ANGPT4: variants seen among roughly 807,000 people sequenced by gnomAD.
The protein encoded by ANGPT4 is angiopoietin 4.
In ANGPT4, 50 loss-of-function variants were observed where a neutral mutation model predicts 53.0. The ratio of observed to expected loss-of-function variants is 0.94; its 90% CI spans 0.75 to 1.20. The LOEUF (loss-of-function observed/expected upper bound fraction) is 1.20. ANGPT4 is among the 50% of genes most tolerant of loss of function. The pLI is 0.00. For missense variants in ANGPT4, 648 were observed against 637.1 expected, an observed-to-expected ratio of 1.02 and a Z score of -0.18; for synonymous variants, 251 against 259.7, an observed-to-expected ratio of 0.97 and a Z score of 0.32.
At position 908,910 on chromosome 20, in the gene ANGPT4, G is replaced by A. The variant is rs991458453; in HGVS notation, c.309+6996C>T. 1.3e-5 allele frequency among the ~76,000 whole-genome samples: 2 copies of A among 152,280 alleles called. No homozygotes were observed. Among genetic ancestry groups the A allele is most frequent in the South Asian group, 4.1e-4 (2 of 4,820 alleles). ...CTGGAGAGGAGAAACAGGGGTCTCA[G>A]CTGGGTGTCAGGAACCCTGGGTTCT... On this transcript the variant is annotated intron_variant, in intron 1 of 8. Transcript: ENST00000381922. This position sits in a 1 kb window ranked among gnomAD's most constrained non-coding sequence, Gnocchi z 4.9.
At position 890,239 on chromosome 20, in the gene ANGPT4, G is replaced by A. The variant is rs774505929; in HGVS notation, c.439C>T (p.Arg147Cys). Residue 147 changes from arginine to cysteine, a missense_variant, in exon 2 of 9, where the codon CGC becomes TGC. Transcript: ENST00000381922. ...TGAGCCTCCATGTCGGTCAGCTTGC[G>A]GATCTGGGCAGTGGTCTGGTTCAGG... Reference protein sequence around the residue: ...SLLNQTTAQIRKLTDMEAQLL... With the variant: ...SLLNQTTAQICKLTDMEAQLL... 6.8e-6 allele frequency: 11 copies of A among 1,613,830 alleles called. No individual in the cohort carries two copies. The highest frequency in any genetic ancestry group is 1.1e-5 in the South Asian group (1 of 91,072).
chr20:888,229 C>T, intron 3 of ANGPT4, 89 bp downstream of exon 3: 1 of 1,512,504 alleles, frequency 6.6e-7, no homozygotes, highest in Non-Finnish European at 8.8e-7. Flanking sequence ...AGCCCCAGTC[C>T]TAGCCCTGGC....
At chr20:888,792 G>A (rs1600052072) in intron 2 of ANGPT4, among the ~76,000 whole-genome samples, 1 of 152,190 alleles carries the variant, frequency 6.6e-6, no homozygotes, top group Non-Finnish European at 1.5e-5. Context: ...TCTGGCCCTG[G>A]ACTGCTCCCT....
intron 1 of ANGPT4, among the ~76,000 whole-genome samples, chr20:913,278 G>A (rs929768381): frequency 5.9e-5 from 9 of 152,194 alleles, no homozygotes; most frequent in Non-Finnish European, 1.3e-4. Context: ...AGAAGAACCA[G>A]AGGAAGGTCA....
chr20:883,320 A>G (rs780473810), intron 4 of ANGPT4, among the ~76,000 whole-genome samples: 5 of 152,196 alleles, frequency 3.3e-5, no homozygotes, highest in African/African-American at 4.8e-5. Flanking sequence ...CTGCTTTTAT[A>G]TCATGCACAA....
intron 4 of ANGPT4, among the ~76,000 whole-genome samples, chr20:882,899 A>G (rs1981466482): frequency 6.6e-6 from 1 of 152,260 alleles, no homozygotes; most frequent in Non-Finnish European, 1.5e-5. Flanking sequence ...GTTTGGGGCC[A>G]GGAAAAATAT....
chr20:913,942 G>A (rs1301532734), intron 1 of ANGPT4, among the ~76,000 whole-genome samples: 2 of 152,184 alleles, frequency 1.3e-5, no homozygotes, highest in Non-Finnish European at 2.9e-5. Flanking sequence ...GGCAGCTTTG[G>A]AGTTGAGACA....
rs1263810003 is a variant in ANGPT4 at position 908,379 on chromosome 20, C to T, written c.309+7527G>A. Among the ~76,000 whole-genome samples, 2 of 152,168 alleles carry T rather than the reference C, an allele frequency of 1.3e-5. No homozygotes were observed. ...CCCCAGGGCCTTTGCACTTGCTGTC[C>T]CGTGTGCCTGGAATGCTTTTGCTTC... On this transcript the variant is annotated intron_variant, in intron 1 of 8. Transcript: ENST00000381922. The surrounding 1 kb of genome is among the most constrained non-coding windows in gnomAD (Gnocchi z 4.9).
intron 4 of ANGPT4, among the ~76,000 whole-genome samples, chr20:884,824 A>G (rs1408728768): frequency 2.6e-5 from 4 of 152,060 alleles, no homozygotes; most frequent in Non-Finnish European, 5.9e-5. Flanking sequence ...TCCAAAACCC[A>G]TGGGTAAACT....
chr20:906,985 C>T (rs888494909), intron 1 of ANGPT4, among the ~76,000 whole-genome samples: 30 of 152,180 alleles, frequency 2.0e-4, no homozygotes, highest in African/African-American at 6.8e-4. Context: ...GTGGTCTGGG[C>T]CTGGAGCACT....
chr20:874,502 C>T, intron 7 of ANGPT4, 88 bp from the exon 8 acceptor site: 1 of 1,552,478 alleles, frequency 6.4e-7, no homozygotes, highest in Non-Finnish European at 8.7e-7. Context: ...GTGGCTTTGT[C>T]CCAGGCTGGG....
At chr20:893,149 T>A (rs1481981686) in intron 1 of ANGPT4, among the ~76,000 whole-genome samples, 1 of 152,178 alleles carries the variant, frequency 6.6e-6, no homozygotes, top group Non-Finnish European at 1.5e-5. Flanking sequence ...GAAAAAAAGA[T>A]CACATTTTTT....
intron 1 of ANGPT4, among the ~76,000 whole-genome samples, chr20:902,724 C>A (rs1435546053): frequency 2.0e-5 from 3 of 151,616 alleles, no homozygotes; most frequent in Non-Finnish European, 4.4e-5. Context: ...ATTTTTTTTT[C>A]TGAGAGAGGG....
At chr20:890,091 C>T (rs1401234348) in intron 2 of ANGPT4, 122 bp downstream of exon 2, 1 of 1,234,318 alleles carries the variant, frequency 8.1e-7, no homozygotes, top group Non-Finnish European at 1.1e-6. Flanking sequence ...ACCCGGGGGG[C>T]TACAGGCCCA....
At chr20:903,547 C>T (rs1982365725) in intron 1 of ANGPT4, among the ~76,000 whole-genome samples, 1 of 152,174 alleles carries the variant, frequency 6.6e-6, no homozygotes, top group South Asian at 2.1e-4. Flanking sequence ...GATTATGACC[C>T]CCTCTGCTCT....
intron 1 of ANGPT4, among the ~76,000 whole-genome samples, chr20:899,987 T>C (rs570274977): frequency 6.6e-6 from 1 of 152,326 alleles, no homozygotes; most frequent in South Asian, 2.1e-4. Flanking sequence ...AACTTCCACC[T>C]ATCAATCTCT....
chr20:887,339 G>C lies in ANGPT4; in HGVS notation c.587+979C>G, dbSNP rs1244833492. Among the ~76,000 whole-genome samples, 7 of 152,200 alleles carry C rather than the reference G, an allele frequency of 4.6e-5. No homozygotes were observed. In the East Asian group the frequency reaches 1.3e-3, roughly 29 times the overall value. ...CACCTAGTGTTAATTTAGAGTCATT[G>C]AAAGTGTCCCAGTCCTTGCCACTGA... On this transcript the variant is annotated intron_variant, in intron 3 of 8. Coordinates refer to ENST00000381922, the MANE Select transcript of ANGPT4 (RefSeq NM_015985.4).
rs375449785 is a variant in ANGPT4, at chr20:890,396, G to T, written c.310-28C>A. The T allele has an allele frequency of 5.7e-6, 9 of 1,592,200 alleles. No individual in the cohort carries two copies. In the South Asian group the frequency reaches 7.8e-5, roughly 14 times the overall value. ...GTGGGAGACCATGGGCTGGGGTCAC[G>T]GGGGAGGGGCGGGGGAAGCCCCCTG... On this transcript the variant is annotated intron_variant, in intron 1 of 8. Transcript: ENST00000381922.
At chr20:904,989 G>T (rs181425204) in intron 1 of ANGPT4, among the ~76,000 whole-genome samples, 348 of 152,280 alleles carry the variant, frequency 2.3e-3, no homozygotes, top group African/African-American at 7.9e-3. Flanking sequence ...AGGCCCTAGG[G>T]TCTGCAGAGG....
Sources: allele counts gnomAD v4.1 joint callset (sites outside exome capture counted in the v4.1 genomes callset), GRCh38; gene constraint gnomAD v4.1.1; non-coding constraint Gnocchi (gnomAD v3.1); transcripts MANE v1.5; gene names NCBI Gene and HGNC (gene_info 2026-07-23, HGNC 2026-07-21).